CFAP100: variants seen among roughly 807,000 people sequenced by gnomAD.
CFAP100 encodes the protein cilia- and flagella-associated protein 100.
Under a neutral mutation model 81.5 loss-of-function variants are expected in CFAP100, and 70 were observed. The observed-to-expected ratio is 0.86, with a 90% CI of 0.71 to 1.05. The LOEUF is 1.05. Ranked by LOEUF, CFAP100 falls within the 50% of genes least tolerant of loss-of-function variation. CFAP100 has a pLI of 0.00. For synonymous variants in CFAP100, 341 were observed against 314.8 expected, an observed-to-expected ratio of 1.08 and a Z score of -0.88; for missense variants, 811 against 776.5, an observed-to-expected ratio of 1.04 and a Z score of -0.53.
At position 126,419,172 on chromosome 3, in the gene CFAP100, A is replaced by G; in HGVS notation, c.731+16A>G. The G allele has an allele frequency of 6.6e-7, 1 of 1,516,968 alleles. No homozygotes were observed. 94.0% of individuals were successfully genotyped at this position (1,516,968 alleles called of 1,614,324 possible). A position where few individuals can be genotyped will look rare whatever the true frequency, so the allele number is the denominator to read the frequency against. On this transcript the variant is annotated intron_variant, in intron 8 of 16. Coordinates refer to ENST00000352312, the MANE Select transcript of CFAP100 (RefSeq NM_182628.3). ...ATATCAAAAGGTGAGGTCAGAGGGC[A>G]TGCTGGCCATTGGCTGGCCCACCTC...
chr3:126,426,744 G>A (rs192818502), intron 13 of CFAP100, among the ~76,000 whole-genome samples: 74 of 152,234 alleles, frequency 4.9e-4, no homozygotes, highest in Non-Finnish European at 8.1e-4. Context: ...GGAAGACTCC[G>A]TCTCAATAAA....
At position 126,433,309 on chromosome 3, in the gene CFAP100, G is replaced by A. The variant is rs912256590; in HGVS notation, c.1422+105G>A. On this transcript the variant is annotated intron_variant, in intron 14 of 16. Transcript: ENST00000352312. ...CTTGGGAAGATGGAGGACAAGGCCC[G>A]GGTGAGTGCCCTGCAGCTGCCCTTG... 33 of 1,378,526 alleles carry A rather than the reference G, an allele frequency of 2.4e-5. No homozygotes were observed. In the African/African-American group the frequency reaches 3.0e-4, roughly 13 times the overall value. 85.4% of individuals were successfully genotyped at this position (1,378,526 alleles called of 1,614,324 possible). A position where few individuals can be genotyped will look rare whatever the true frequency, so the allele number is the denominator to read the frequency against.
In CFAP100 at chr3:126,419,063, G is replaced by A. The variant is rs1396931802; in HGVS notation, c.651-13G>A. On this transcript the variant is annotated splice_polypyrimidine_tract_variant and intron_variant, in intron 7 of 16. Coordinates refer to ENST00000352312, the MANE Select transcript of CFAP100 (RefSeq NM_182628.3). Reference sequence around the variant, plus strand: ...TTGCCCCCATCCCTCCTCCCCCGCCGCCCAACCCCTAGGGCTGAGAAGGAG... The same window carrying A: ...TTGCCCCCATCCCTCCTCCCCCGCCACCCAACCCCTAGGGCTGAGAAGGAG... 1.0e-4 allele frequency: 32 copies of A among 304,824 alleles called. No homozygotes were observed. The East Asian group carries it at 1.9e-3, about 18-fold the overall frequency. The allele number at this position is 304,824 out of a possible 1,614,324, so 18.9% of individuals were successfully genotyped here.
In CFAP100 at chr3:126,401,400, TATATA is replaced by T. The variant is rs2082978226; in HGVS notation, c.49+5352_49+5356del. On this transcript the variant is annotated intron_variant, in intron 2 of 16. Coordinates refer to ENST00000352312, the MANE Select transcript of CFAP100 (RefSeq NM_182628.3). ...GCATAAAATGGCAAATCGTATTTTA[TATATA>T]TATATATATATATATATATATATAT... is the stretch of plus-strand genomic sequence containing the variant. Among the ~76,000 whole-genome samples the T allele has an allele frequency of 6.3e-3, 257 of 40,974 alleles. 3 individuals are homozygous for T. The highest frequency in any genetic ancestry group is 8.0e-3 in the African/African-American group (65 of 8,104). The allele number at this position is 40,974 out of a possible 152,430, so 26.9% of individuals were successfully genotyped here.
Position 126,419,734 on chromosome 3 carries a change from A to G in CFAP100, c.829A>G (p.Lys277Glu), listed in dbSNP as rs768727463. 6.2e-7 allele frequency: 1 copy of G among 1,613,946 alleles called. No homozygotes were observed. The highest frequency in any genetic ancestry group is 2.2e-5 in the East Asian group (1 of 44,902). The change falls in exon 9 of 17, where the codon AAG (lysine) becomes GAG (glutamate). Residue 277 changes from lysine (K) to glutamate (E), a missense_variant. Transcript: ENST00000352312. ...SPKEWLEEQE[K>E]KHSFLKKAKE... is the part of the protein sequence containing the mutation. ...CAAGGAGTGGCTTGAAGAACAGGAA[A>G]AGAAACACTCGTTTCTCAAAAAGGC...
intron 3 of CFAP100, among the ~76,000 whole-genome samples, chr3:126,411,377 T>TG (rs1467880305): frequency 7.1e-6 from 1 of 141,800 alleles, no homozygotes; most frequent in Admixed American, 7.1e-5. Context: ...TTTTTTTTTT[T>TG]TTTTTTTTTT....
Position 126,416,357 on chromosome 3 carries a change from G to T in CFAP100, c.267G>T (p.Met89Ile). 6.2e-7 allele frequency: 1 copy of T among 1,608,948 alleles called. No homozygotes were observed. The highest frequency in any genetic ancestry group is 8.5e-7 in the Non-Finnish European group (1 of 1,177,578). The change falls in exon 5 of 17, where the codon ATG (methionine) becomes ATT (isoleucine). Residue 89 changes from methionine (M) to isoleucine (I), a missense_variant. By Grantham distance (10) the Met-to-Ile change is conservative. Transcript: ENST00000352312. Reference protein sequence around the residue: ...QQKTMRVHQKMTYSSKVSAKH... With the variant: ...QQKTMRVHQKITYSSKVSAKH... ...AGACGATGCGGGTGCACCAGAAGAT[G>T]ACCTACTCCTCGAAAGTGTCGGCTA...
At position 126,433,166 on chromosome 3, in the gene CFAP100, C is replaced by A; in HGVS notation, c.1384C>A (p.Arg462=). Reference sequence around the variant, plus strand: ...AGCAGCTGAGCTGGAGCTCAAAGCCCGAGTCTTCCACTTCGGCGAGTACAA... The same window carrying A: ...AGCAGCTGAGCTGGAGCTCAAAGCCAGAGTCTTCCACTTCGGCGAGTACAA... ...DTAAELELKA[R]VFHFGEYKGD... Residue 462 remains arginine (R), a synonymous_variant, in exon 14 of 17, where the codon CGA becomes AGA. Coordinates refer to ENST00000352312, the MANE Select transcript of CFAP100 (RefSeq NM_182628.3). 1 of 1,614,196 alleles carries A rather than the reference C, an allele frequency of 6.2e-7. No individual in the cohort carries two copies. Among genetic ancestry groups the A allele is most frequent in the African/African-American group, 1.3e-5 (1 of 75,060 alleles).
In CFAP100 at chr3:126,411,360, GGTT is replaced by G. The variant is rs2083150640; in HGVS notation, c.131-2724_131-2722del. Among the ~76,000 whole-genome samples the G allele has an allele frequency of 8.9e-5, 3 of 33,732 alleles. No individual in the cohort carries two copies. The Admixed American group carries it at 1.0e-3, about 11-fold the overall frequency. The allele number at this position is 33,732 out of a possible 152,430, so 22.1% of individuals were successfully genotyped here. On this transcript the variant is annotated intron_variant, in intron 3 of 16. Transcript: ENST00000352312. ...GTCTGTAGTTTTTTTTGTTGTTGTTGGTTTTTTTTTTTTTTTTTTTTTTTTTTG... is the reference window on the plus strand; with the variant it reads ...GTCTGTAGTTTTTTTTGTTGTTGTTGTTTTTTTTTTTTTTTTTTTTTTTTG...
rs1485812988 is a variant in CFAP100 at position 126,420,008 on chromosome 3, C to T, written c.942C>T (p.Ser314=). ...KGPGIKGKAS[S]MWAKEGQGTK... is the part of the protein sequence containing the mutation. The stretch of plus-strand genomic sequence containing the variant: ...CAGGGATCAAGGGCAAGGCGAGCTC[C>T]ATGTGGGCCAAAGGTGAGCTGCCGC... Residue 314 remains serine, a synonymous_variant, in exon 10 of 17, where the codon TCC becomes TCT. Transcript: ENST00000352312. 6.2e-7 allele frequency: 1 copy of T among 1,613,186 alleles called. No individual in the cohort carries two copies. The highest frequency in any genetic ancestry group is 8.5e-7 in the Non-Finnish European group (1 of 1,179,966).
At chr3:126,414,561 G>A (rs1273783238) in intron 4 of CFAP100, among the ~76,000 whole-genome samples, 1 of 152,174 alleles carries the variant, frequency 6.6e-6, no homozygotes, top group African/African-American at 2.4e-5. Flanking sequence ...CCATCCCACA[G>A]GCACCCCCTG....
intron 3 of CFAP100, among the ~76,000 whole-genome samples, chr3:126,413,005 G>A (rs945917584): frequency 1.1e-4 from 17 of 152,228 alleles, no homozygotes; most frequent in African/African-American, 3.6e-4. Context: ...CCGCCCATGC[G>A]TGTTCATCAC....
At chr3:126,407,931 G>A (rs1325563877) in intron 3 of CFAP100, among the ~76,000 whole-genome samples, 1 of 152,110 alleles carries the variant, frequency 6.6e-6, no homozygotes, top group Middle Eastern at 3.2e-3. Context: ...GCTGTCTCCC[G>A]CTCTGCCCCT....
chr3:126,417,663 C>G (rs1431925134), intron 5 of CFAP100, among the ~76,000 whole-genome samples: 1 of 152,236 alleles, frequency 6.6e-6, no homozygotes, highest in East Asian at 1.9e-4. Context: ...CAGAGAGGAG[C>G]TGGGTCTCCT....
chr3:126,418,213 A>G (rs1214639884), intron 5 of CFAP100: 4 of 528,806 alleles, frequency 7.6e-6, no homozygotes, highest in Non-Finnish European at 1.4e-5. Context: ...GGCGCAAGTC[A>G]GACACAGTAA....
chr3:126,430,429 G>C (rs1424132737), intron 13 of CFAP100, among the ~76,000 whole-genome samples: 1 of 152,058 alleles, frequency 6.6e-6, no homozygotes, highest in Non-Finnish European at 1.5e-5. Context: ...ACACTGATTT[G>C]ATCTTATAAA....
intron 4 of CFAP100, among the ~76,000 whole-genome samples, chr3:126,415,082 A>T (rs779342085): frequency 6.6e-6 from 1 of 152,020 alleles, no homozygotes; most frequent in Non-Finnish European, 1.5e-5. Context: ...CGCCTTGGCC[A>T]CCCTACTGTA....
chr3:126,430,489 T>C (rs1933169709), intron 13 of CFAP100, among the ~76,000 whole-genome samples: 1 of 152,180 alleles, frequency 6.6e-6, no homozygotes, highest in South Asian at 2.1e-4. Context: ...ACATTATGTA[T>C]CAATAAAAAT....
Position 126,434,391 on chromosome 3 carries a change from A to T in CFAP100, c.1628+10A>T. On this transcript the variant is annotated intron_variant, in intron 15 of 16. Coordinates refer to ENST00000352312, the MANE Select transcript of CFAP100 (RefSeq NM_182628.3). ...AGGAGCGGCGCATCAGGTGAGCTCTAGGCTCTCCCTGCCAGCTGCTGTGTC... is the reference window on the plus strand; with the variant it reads ...AGGAGCGGCGCATCAGGTGAGCTCTTGGCTCTCCCTGCCAGCTGCTGTGTC... 2 of 1,607,800 alleles carry T rather than the reference A, an allele frequency of 1.2e-6. No individual in the cohort carries two copies. Among genetic ancestry groups the T allele is most frequent in the Non-Finnish European group, 1.7e-6 (2 of 1,176,228 alleles).
Sources: gnomAD v4.1 joint callset for allele counts (sites outside exome capture counted in the v4.1 genomes callset) on GRCh38, gnomAD v4.1.1 for gene constraint, MANE v1.5 for transcripts, NCBI Gene and HGNC (gene_info 2026-07-23, HGNC 2026-07-21) for gene names.